The following PLCB3 variants were observed in gnomAD, a reference collection of about 807,000 sequenced individuals.
PLCB3 encodes phospholipase C beta 3.
PLCB3 carries 54 observed loss-of-function variants against 152.1 expected under a neutral mutation model. That is an observed-to-expected ratio of 0.36 (90% CI 0.29 to 0.45). The LOEUF (loss-of-function observed/expected upper bound fraction) is 0.45. PLCB3 is among the 20% of genes least tolerant of loss of function. The pLI is 1.00. For synonymous variants in PLCB3, 717 were observed against 698.7 expected (o/e 1.03, Z -0.41); for missense variants, 1,248 against 1,687.5 (o/e 0.74, Z 4.56).
intron 13 of PLCB3, among the ~76,000 whole-genome samples, 181 bp downstream of exon 13, chr11:64,259,425 C>T (rs1417926305): frequency 6.6e-6 from 1 of 152,154 alleles, no homozygotes; most frequent in African/African-American, 2.4e-5. Flanking sequence ...GACCCCTGAC[C>T]TCAGGTGCAC....
At position 64,251,568 on chromosome 11, in the gene PLCB3, G is replaced by A; in HGVS notation, c.-82G>A. 3 of 528,846 alleles carry A rather than the reference G, an allele frequency of 5.7e-6. No individual in the cohort carries two copies. Among genetic ancestry groups the A allele is most frequent in the Non-Finnish European group, 8.2e-6 (3 of 364,386 alleles). 32.8% of individuals were successfully genotyped at this position (528,846 alleles called of 1,614,324 possible). On this transcript the variant is annotated 5_prime_UTR_variant, in exon 1 of 31. Coordinates refer to ENST00000279230, the MANE Select transcript of PLCB3 (RefSeq NM_000932.5). ...GGCGGGCACTGACGCCGCGGGGCCG[G>A]AGCGGGCCGCGCGGTGGGAGCAGCG...
In PLCB3 at chr11:64,266,082, C is replaced by A. The variant is rs1342003360; in HGVS notation, c.3189+43C>A. On this transcript the variant is annotated intron_variant, in intron 26 of 30. Transcript: ENST00000279230. The surrounding 1 kb of genome is among the most constrained non-coding windows in gnomAD (Gnocchi z 4.9). Reference sequence around the variant, plus strand: ...GCCAGGGAAAGCCTGCTGGATAGACCCGTCGTCAGCCCGGCATCACCTGTC... The same window carrying A: ...GCCAGGGAAAGCCTGCTGGATAGACACGTCGTCAGCCCGGCATCACCTGTC... The A allele has an allele frequency of 6.2e-7, 1 of 1,613,778 alleles. No individual in the cohort carries two copies. Among genetic ancestry groups the A allele is most frequent in the African/African-American group, 1.3e-5 (1 of 74,896 alleles).
At chr11:64,261,548 A>C (rs1381910434) in intron 15 of PLCB3, 33 bp from the exon 16 acceptor site, 1 of 1,612,896 alleles carries the variant, frequency 6.2e-7, no homozygotes, top group Admixed American at 1.7e-5. Context: ...CAGCCCTGCC[A>C]GGTCTGACGC....
At chr11:64,256,829 T>C in intron 10 of PLCB3, 65 bp downstream of exon 10, 1 of 1,519,990 alleles carries the variant, frequency 6.6e-7, no homozygotes, top group Non-Finnish European at 9.0e-7. Flanking sequence ...GCCCCACTCC[T>C]CCTGGGGCAC....
Position 64,267,604 on chromosome 11 carries a change from G to A in PLCB3, c.*48G>A. 1 of 1,340,134 alleles carries A rather than the reference G, an allele frequency of 7.5e-7. No homozygotes were observed. Among genetic ancestry groups the A allele is most frequent in the Non-Finnish European group, 1.0e-6 (1 of 982,540 alleles). The allele number at this position is 1,340,134 out of a possible 1,614,324, so 83.0% of individuals were successfully genotyped here. ...AGGGCCAGGGCGGGCGCTGGGTGGAGGGCAGGAGGCAATGACACTAATGCT... is the reference window on the plus strand; with the variant it reads ...AGGGCCAGGGCGGGCGCTGGGTGGAAGGCAGGAGGCAATGACACTAATGCT... On this transcript the variant is annotated 3_prime_UTR_variant, in exon 31 of 31. Transcript: ENST00000279230. The surrounding 1 kb of genome is among the most constrained non-coding windows in gnomAD (Gnocchi z 5.2).
chr11:64,266,039 G>C lies in PLCB3; in HGVS notation c.3189G>C (p.Gln1063His). The C allele has an allele frequency of 6.2e-7, 1 of 1,614,058 alleles. No homozygotes were observed. The highest frequency in any genetic ancestry group is 8.5e-7 in the Non-Finnish European group (1 of 1,180,008). The change falls in exon 26 of 31, where the codon CAG becomes CAC. Residue 1063 changes from glutamine (Q) to histidine (H), a missense_variant and splice_region_variant. This residue lies in a region of PLCB3 where 477 missense variants were observed against 489.6 expected (regional missense o/e 0.97). Coordinates refer to ENST00000279230, the MANE Select transcript of PLCB3 (RefSeq NM_000932.5). This position sits in a 1 kb window ranked among gnomAD's most constrained non-coding sequence, Gnocchi z 4.9. ...AGCGGAGGCTGGAACACCTGAGACA[G>C]GTAGGGGGCCTGCAGTGGCCAGGGA... ...EAQRRLEHLRQALQRLREVVL... is the reference protein window; with the variant it reads ...EAQRRLEHLRHALQRLREVVL...
At chr11:64,261,134 A>G (rs1235393197) in intron 14 of PLCB3, among the ~76,000 whole-genome samples, 4 of 152,120 alleles carry the variant, frequency 2.6e-5, no homozygotes, top group Non-Finnish European at 5.9e-5. Flanking sequence ...GTGAAACCCC[A>G]TCTCTACTAA....
intron 1 of PLCB3, among the ~76,000 whole-genome samples, chr11:64,252,701 G>A (rs1183592200): frequency 1.3e-5 from 2 of 152,138 alleles, no homozygotes; most frequent in African/African-American, 2.4e-5. Context: ...GGGCCCCAGG[G>A]GCCGGGGGAG....
rs573245653 is a variant in PLCB3, at chr11:64,260,309, C to T, written c.1731+75C>T. 1.0e-4 allele frequency: 106 copies of T among 1,026,896 alleles called. No individual in the cohort carries two copies. In the African/African-American group the frequency reaches 1.5e-3, roughly 14 times the overall value. 63.6% of individuals were successfully genotyped at this position (1,026,896 alleles called of 1,614,324 possible). ...CCAGGGGGCTGGGTCTGACCATCAA[C>T]AAGACTGACATCACCCCTGCCTCCT... On this transcript the variant is annotated intron_variant, in intron 14 of 30. Coordinates refer to ENST00000279230, the MANE Select transcript of PLCB3 (RefSeq NM_000932.5).
Position 64,267,284 on chromosome 11 carries a change from G to A in PLCB3, c.3501+13G>A. On this transcript the variant is annotated intron_variant, in intron 30 of 30. Coordinates refer to ENST00000279230, the MANE Select transcript of PLCB3 (RefSeq NM_000932.5). This position sits in a 1 kb window ranked among gnomAD's most constrained non-coding sequence, Gnocchi z 5.2. ...AGAGGAGCCCAAGGTGAGGCCATGG[G>A]CGAACAGGTGGGCAGACGGGGTGCA... The A allele has an allele frequency of 6.4e-7, 1 of 1,550,952 alleles. No individual in the cohort carries two copies. Among genetic ancestry groups the A allele is most frequent in the Non-Finnish European group, 8.7e-7 (1 of 1,146,920 alleles).
chr11:64,252,822 GGGTGCTGAC>G (rs929158873), intron 1 of PLCB3, among the ~76,000 whole-genome samples: 2 of 152,172 alleles, frequency 1.3e-5, no homozygotes, highest in African/African-American at 4.8e-5. Flanking sequence ...GTGGGGTGGG[GGGTGCTGAC>G]GGAGGCTTGG....
intron 25 of PLCB3, 80 bp downstream of exon 25, chr11:64,265,582 G>A: frequency 1.3e-6 from 2 of 1,488,806 alleles, no homozygotes; most frequent in East Asian, 4.9e-5. Flanking sequence ...ATGGAGAGAT[G>A]GCAAGAGCTG....
In PLCB3 at chr11:64,255,725, A is replaced by T; in HGVS notation, c.602A>T (p.Glu201Val). The T allele has an allele frequency of 6.2e-7, 1 of 1,613,744 alleles. No homozygotes were observed. Among genetic ancestry groups the T allele is most frequent in the Non-Finnish European group, 8.5e-7 (1 of 1,179,744 alleles). ...ESCGLKFNRS[E>V]SIRPDEFSLE... ...CCCACACTCCTCGACCTCCAGAGTG[A>T]GTCCATCCGGCCTGATGAGTTTTCC... The change falls in exon 8 of 31, where the codon GAG becomes GTG. Residue 201 changes from glutamate to valine, a missense_variant. By Grantham distance (121) the Glu-to-Val change is moderately radical. Coordinates refer to ENST00000279230, the MANE Select transcript of PLCB3 (RefSeq NM_000932.5). This position sits in a 1 kb window ranked among gnomAD's most constrained non-coding sequence, Gnocchi z 6.8.
chr11:64,254,650 A>G (rs1326011366), intron 2 of PLCB3, 98 bp from the exon 3 acceptor site: 14 of 1,428,306 alleles, frequency 9.8e-6, no homozygotes, highest in East Asian at 2.3e-5. Flanking sequence ...GGCTATAGCC[A>G]GGGGCTGGCC....
In PLCB3 at chr11:64,258,769, A is replaced by C; in HGVS notation, c.1253+56A>C. 6.2e-7 allele frequency: 1 copy of C among 1,608,846 alleles called. No individual in the cohort carries two copies. Among genetic ancestry groups the C allele is most frequent in the East Asian group, 2.2e-5 (1 of 44,788 alleles). ...GACCGGGGGACAGTCTTCCAGCTTCAGTGCTGTTGGACTGCTCAGGGACCT... is the reference window on the plus strand; with the variant it reads ...GACCGGGGGACAGTCTTCCAGCTTCCGTGCTGTTGGACTGCTCAGGGACCT... On this transcript the variant is annotated intron_variant, in intron 11 of 30. Transcript: ENST00000279230. This position sits in a 1 kb window ranked among gnomAD's most constrained non-coding sequence, Gnocchi z 7.2.
chr11:64,257,016 T>TTTTTTTTTTTTTTTTTTTTTTTTTTC lies in PLCB3; in HGVS notation c.1012+257_1012+258insTTTTTTTTTTTTTTTTTTTTCTTTTT, dbSNP rs771872374. On this transcript the variant is annotated intron_variant, in intron 10 of 30. Coordinates refer to ENST00000279230, the MANE Select transcript of PLCB3 (RefSeq NM_000932.5). ...AGGGTCCTTTTTTTTTTTTTTTTTT[T>TTTTTTTTTTTTTTTTTTTTTTTTTTC]TTTTTGAGACAGAGTTTCGCTCTTG... 1.8e-4 allele frequency among the ~76,000 whole-genome samples: 22 copies of TTTTTTTTTTTTTTTTTTTTTTTTTTC among 120,684 alleles called. 1 individual carries two copies. Among genetic ancestry groups the TTTTTTTTTTTTTTTTTTTTTTTTTTC allele is most frequent in the South Asian group, 1.7e-3 (6 of 3,456 alleles). 79.2% of individuals were successfully genotyped at this position (120,684 alleles called of 152,430 possible). A position where few individuals can be genotyped will look rare whatever the true frequency, so the allele number is the denominator to read the frequency against.
At chr11:64,260,529 A>G (rs945721285) in intron 14 of PLCB3, among the ~76,000 whole-genome samples, 3 of 152,044 alleles carry the variant, frequency 2.0e-5, no homozygotes, top group African/African-American at 7.3e-5. Context: ...AGCATGTACA[A>G]AGGTCCTGGG....
intron 12 of PLCB3, 31 bp from the exon 13 acceptor site, chr11:64,259,027 C>T: frequency 6.2e-7 from 1 of 1,612,244 alleles, no homozygotes; most frequent in Non-Finnish European, 8.5e-7. Context: ...CGGACCCGGT[C>T]CAGGGCCCTG....
At chr11:64,254,847 A>T in intron 3 of PLCB3, 31 bp downstream of exon 3, 1 of 1,613,866 alleles carries the variant, frequency 6.2e-7, no homozygotes, top group South Asian at 1.1e-5. Context: ...TGAAGACCAC[A>T]GCGAGGCTGT....
Sources: gnomAD v4.1 joint callset for allele counts (sites outside exome capture counted in the v4.1 genomes callset) on GRCh38, gnomAD v4.1.1 for gene constraint, gnomAD v4.1.1 regional missense constraint, Gnocchi (gnomAD v3.1) non-coding constraint, MANE v1.5 for transcripts, NCBI Gene and HGNC (gene_info 2026-07-23, HGNC 2026-07-21) for gene names.